The following SLC20A2 variants were observed in gnomAD, a reference collection of about 807,000 sequenced individuals.
SLC20A2 encodes the protein solute carrier family 20 member 2, also known as sodium-dependent phosphate transporter 2.
In SLC20A2, 30 loss-of-function variants were observed where a neutral mutation model predicts 61.0. The ratio of observed to expected loss-of-function variants is 0.49; its 90% CI spans 0.37 to 0.67. The LOEUF is 0.67. SLC20A2 is among the 30% of genes least tolerant of loss of function. The pLI is 0.00. For synonymous variants in SLC20A2, 351 were observed against 353.3 expected, an observed-to-expected ratio of 0.99 and a Z score of 0.07; for missense variants, 626 against 866.4, an observed-to-expected ratio of 0.72 and a Z score of 3.48.
chr8:42,455,388 C>T (rs1420816166), intron 5 of SLC20A2, among the ~76,000 whole-genome samples: 5 of 151,310 alleles, frequency 3.3e-5, no homozygotes, highest in African/African-American at 1.2e-4. Context: ...AGGCTGGGCG[C>T]GGTGGCTCAC....
Position 42,437,141 on chromosome 8 carries a change from C to T in SLC20A2, c.1371G>A (p.Ala457=), listed in dbSNP as rs755250664. Residue 457 remains alanine (A), a synonymous_variant, in exon 8 of 11, where the codon GCG becomes GCA. Coordinates refer to ENST00000520262, the MANE Select transcript of SLC20A2 (RefSeq NM_001257180.2). The surrounding 1 kb of genome is among the most constrained non-coding windows in gnomAD (Gnocchi z 6.4). The stretch of plus-strand genomic sequence containing the variant: ...GCTGGTCAGGGTCGGCCAGCTCCGA[C>T]GCCAGCTTCATCTCCACGCCGCCCT... ...AEEGGVEMKL[A]SELADPDQPR... The T allele has an allele frequency of 4.6e-5, 75 of 1,613,680 alleles. No homozygotes were observed. Among genetic ancestry groups the T allele is most frequent in the Non-Finnish European group, 5.6e-5 (66 of 1,180,042 alleles).
intron 8 of SLC20A2, among the ~76,000 whole-genome samples, chr8:42,434,093 T>C (rs1353852495): frequency 6.6e-6 from 1 of 152,064 alleles, no homozygotes; most frequent in Non-Finnish European, 1.5e-5. Flanking sequence ...AGTCTCCCTC[T>C]GTTGCCCAGG....
intron 1 of SLC20A2, among the ~76,000 whole-genome samples, chr8:42,517,880 A>G (rs1811409620): frequency 2.0e-5 from 3 of 152,194 alleles, no homozygotes; most frequent in Non-Finnish European, 2.9e-5. Context: ...AAAAAAGCAC[A>G]AGTCCCTAAG....
chr8:42,501,995 C>T (rs1810348761), upstream of SLC20A2, among the ~76,000 whole-genome samples: 1 of 152,166 alleles, frequency 6.6e-6, no homozygotes, highest in African/African-American at 2.4e-5. Context: ...ATAACAAAGA[C>T]ACAAAACCGC....
intron 2 of SLC20A2, 145 bp downstream of exon 2, chr8:42,471,957 G>A (rs1807673251): frequency 1.5e-6 from 1 of 683,500 alleles, no homozygotes; most frequent in Admixed American, 2.8e-5. Context: ...TATGCAGAAA[G>A]CAAAAATAAG....
At chr8:42,430,393 T>G in intron 8 of SLC20A2, 144 bp from the exon 9 acceptor site, 4 of 736,788 alleles carry the variant, frequency 5.4e-6, no homozygotes, top group Non-Finnish European at 6.4e-6. Context: ...GACAGAGTCT[T>G]GCTCTGTTGC....
chr8:42,510,035 T>G (rs556129018), intron 1 of SLC20A2, among the ~76,000 whole-genome samples: 1 of 152,344 alleles, frequency 6.6e-6, no homozygotes, highest in South Asian at 2.1e-4. Context: ...AAAGTTAGGT[T>G]AACAAAAACC....
At chr8:42,447,836 CA>C (rs1304679781) in intron 5 of SLC20A2, among the ~76,000 whole-genome samples, 1 of 152,210 alleles carries the variant, frequency 6.6e-6, no homozygotes, top group Admixed American at 6.5e-5. Context: ...GGAGGACAGG[CA>C]CTTAACTGCT....
chr8:42,534,262 G>A (rs1025430316), intron 1 of SLC20A2, among the ~76,000 whole-genome samples: 8 of 152,092 alleles, frequency 5.3e-5, no homozygotes, highest in African/African-American at 1.2e-4. Context: ...CAGTCTGGGC[G>A]ACAGAATGAG....
chr8:42,464,124 G>T (rs1221445475), intron 3 of SLC20A2, among the ~76,000 whole-genome samples: 23 of 3,362 alleles, frequency 6.8e-3, no homozygotes, highest in African/African-American at 8.5e-3. Context: ...TTTTTTTTTT[G>T]AGACAGGGTC....
At chr8:42,514,928 T>C (rs377248312) in intron 1 of SLC20A2, among the ~76,000 whole-genome samples, 4 of 152,194 alleles carry the variant, frequency 2.6e-5, no homozygotes, top group South Asian at 4.2e-4. Context: ...GGTAGAATCA[T>C]AGCACTGATG....
chr8:42,500,888 G>GC (rs1475501661), intron 1 of SLC20A2, 143 bp downstream of exon 1: 1 of 152,150 alleles, frequency 6.6e-6, no homozygotes, highest in Non-Finnish European at 1.5e-5. Context: ...AAAACCTTTT[G>GC]CCACCTCTCT....
intron 1 of SLC20A2, among the ~76,000 whole-genome samples, chr8:42,484,273 T>G (rs78103462): frequency 3.1e-3 from 470 of 152,322 alleles, no homozygotes; most frequent in Non-Finnish European, 5.4e-3. Context: ...ACTAATAACT[T>G]GCTAAATTGG....
intron 7 of SLC20A2, among the ~76,000 whole-genome samples, chr8:42,438,170 C>T (rs924055793): frequency 6.6e-6 from 1 of 150,984 alleles, no homozygotes. Context: ...AAGTGTCTTC[C>T]AGAAATTACT....
intron 1 of SLC20A2, among the ~76,000 whole-genome samples, chr8:42,506,890 T>C (rs1436315947): frequency 6.6e-6 from 1 of 152,210 alleles, no homozygotes. Context: ...TGCTGGGCCC[T>C]GGAAAGTGCT....
chr8:42,531,415 C>G (rs1272459025), intron 1 of SLC20A2, among the ~76,000 whole-genome samples: 1 of 152,152 alleles, frequency 6.6e-6, no homozygotes, highest in Non-Finnish European at 1.5e-5. Flanking sequence ...GTTCTTATAT[C>G]TTAAACACCA....
At chr8:42,428,395 C>T (rs1490503813) in intron 10 of SLC20A2, among the ~76,000 whole-genome samples, 1 of 152,244 alleles carries the variant, frequency 6.6e-6, no homozygotes, top group Non-Finnish European at 1.5e-5. Context: ...CCCCAGTCCC[C>T]TCATTGGCTG....
chr8:42,420,841 C>T (rs952354249), intron 10 of SLC20A2, among the ~76,000 whole-genome samples: 6 of 152,174 alleles, frequency 3.9e-5, no homozygotes, highest in African/African-American at 1.4e-4. Context: ...GGGAAACTGC[C>T]CCATAAAACA....
chr8:42,467,358 G>A (rs1180818929), intron 2 of SLC20A2, among the ~76,000 whole-genome samples: 1 of 152,122 alleles, frequency 6.6e-6, no homozygotes, highest in Non-Finnish European at 1.5e-5. Flanking sequence ...ATTTTCATAA[G>A]CAGATCAGAT....
Sources: gnomAD v4.1 joint callset for allele counts (sites outside exome capture counted in the v4.1 genomes callset) on GRCh38, gnomAD v4.1.1 for gene constraint, Gnocchi (gnomAD v3.1) non-coding constraint, MANE v1.5 for transcripts, NCBI Gene and HGNC (gene_info 2026-07-23, HGNC 2026-07-21) for gene names.